The following PLEKHM3 variants were observed in gnomAD, a reference collection of about 807,000 sequenced individuals.
PLEKHM3 encodes the protein pleckstrin homology domain-containing family M member 3.
A neutral mutation model predicts 81.8 loss-of-function variants in PLEKHM3; 45 were observed. That is an observed-to-expected ratio of 0.55 (90% CI 0.43 to 0.71). The LOEUF is 0.71. PLEKHM3 is among the 30% of genes least tolerant of loss of function. The probability of loss-of-function intolerance (pLI) is 0.00; values close to 1 mark genes in which losing one functional copy is unlikely to be tolerated. For missense variants in PLEKHM3, 788 were observed against 924.3 expected (o/e 0.85, Z 1.91); for synonymous variants, 352 against 356.4 (o/e 0.99, Z 0.14).
intron 3 of PLEKHM3, among the ~76,000 whole-genome samples, chr2:207,973,472 C>A (rs906793659): frequency 3.3e-5 from 5 of 152,196 alleles, no homozygotes; most frequent in Non-Finnish European, 7.3e-5. Flanking sequence ...CAGGCGGTGG[C>A]TTACGCCTGT....
intron 3 of PLEKHM3, among the ~76,000 whole-genome samples, chr2:207,949,584 A>C (rs1168566417): frequency 6.6e-6 from 1 of 152,204 alleles, no homozygotes; most frequent in Non-Finnish European, 1.5e-5. Flanking sequence ...TGAACTGTGG[A>C]ACAGAGTTCA....
chr2:207,951,199 T>C (rs1300158151), intron 3 of PLEKHM3, among the ~76,000 whole-genome samples: 1 of 152,182 alleles, frequency 6.6e-6, no homozygotes, highest in African/African-American at 2.4e-5. Flanking sequence ...TTTTTCTTAA[T>C]AATCACTGTT....
intron 6 of PLEKHM3, among the ~76,000 whole-genome samples, chr2:207,886,797 T>C (rs980750873): frequency 6.6e-6 from 1 of 152,246 alleles, no homozygotes; most frequent in African/African-American, 2.4e-5. Flanking sequence ...AAAATAATTA[T>C]CTGTACCAAC....
intron 5 of PLEKHM3, among the ~76,000 whole-genome samples, chr2:207,927,785 G>A (rs112727899): frequency 0.014 from 2,049 of 148,628 alleles, 49 homozygotes; most frequent in African/African-American, 0.048. Context: ...AGCCAAGATC[G>A]TGCCACTGCA....
At position 207,931,030 on chromosome 2, in the gene PLEKHM3, G is replaced by C. The variant is rs763994089; in HGVS notation, c.1782C>G (p.His594Gln). The C allele has an allele frequency of 4.3e-6, 7 of 1,614,120 alleles. No homozygotes were observed. The Admixed American group carries it at 5.0e-5, about 12-fold the overall frequency. The change falls in exon 5 of 8, where the codon CAC becomes CAG. Residue 594 changes from histidine (H) to glutamine (Q), a missense_variant. Physicochemically the swap from His to Gln is conservative, Grantham distance 24. Transcript: ENST00000427836. ...GCAGCACGGCGGCCAGCGGCTCTGCGTGGTGGTACAGCATGGCGTTCTCCT... is the reference window on the plus strand; with the variant it reads ...GCAGCACGGCGGCCAGCGGCTCTGCCTGGTGGTACAGCATGGCGTTCTCCT... ...IQQENAMLYH[H>Q]AEPLAAVLRL...
intron 4 of PLEKHM3, among the ~76,000 whole-genome samples, chr2:207,936,844 TTAGTGTG>T (rs1169836613): frequency 1.5e-5 from 2 of 132,954 alleles, no homozygotes; most frequent in Non-Finnish European, 3.2e-5. Flanking sequence ...GTTAGATAAA[TTAGTGTG>T]TGTGTGTGTG....
chr2:207,874,784 G>C (rs572429751), intron 6 of PLEKHM3, among the ~76,000 whole-genome samples: 2 of 151,698 alleles, frequency 1.3e-5, no homozygotes, highest in East Asian at 3.9e-4. Context: ...TAGAGATGGG[G>C]TTTCACCATA....
At chr2:207,907,278 G>A (rs562022313) in intron 6 of PLEKHM3, among the ~76,000 whole-genome samples, 252 of 152,278 alleles carry the variant, frequency 1.7e-3, no homozygotes, top group Admixed American at 2.6e-3. Context: ...AAGGTGGGCG[G>A]ATCACTTGAG....
At chr2:207,956,660 C>G (rs570005013) in intron 3 of PLEKHM3, among the ~76,000 whole-genome samples, 46 of 151,414 alleles carry the variant, frequency 3.0e-4, no homozygotes, top group Non-Finnish European at 5.0e-4. Context: ...ATCCTCCCAC[C>G]TCAGCCTCCT....
At chr2:207,910,616 G>T (rs76883059) in intron 5 of PLEKHM3, among the ~76,000 whole-genome samples, 1 of 152,260 alleles carries the variant, frequency 6.6e-6, no homozygotes, top group African/African-American at 2.4e-5. Flanking sequence ...GCTGGGGGTA[G>T]GGAAAGGAGG....
At chr2:207,841,723 A>G (rs2092355336) in intron 7 of PLEKHM3, among the ~76,000 whole-genome samples, 1 of 151,744 alleles carries the variant, frequency 6.6e-6, no homozygotes, top group African/African-American at 2.4e-5. Flanking sequence ...CCATGTATTA[A>G]ATTCCCATAT....
intron 2 of PLEKHM3, among the ~76,000 whole-genome samples, chr2:207,989,558 CT>C (rs1470457118): frequency 6.6e-6 from 1 of 152,190 alleles, no homozygotes. Context: ...TTTATTGCCA[CT>C]ATCACACTAA....
intron 6 of PLEKHM3, among the ~76,000 whole-genome samples, chr2:207,879,752 C>T (rs753214338): frequency 4.6e-5 from 7 of 152,042 alleles, no homozygotes; most frequent in Admixed American, 1.3e-4. Context: ...AAGAGGACAA[C>T]GGAGGGTGGA....
At chr2:208,008,062 T>C (rs1692556165) in intron 1 of PLEKHM3, among the ~76,000 whole-genome samples, 1 of 150,614 alleles carries the variant, frequency 6.6e-6, no homozygotes, top group Non-Finnish European at 1.5e-5. Flanking sequence ...CAAAAATAAA[T>C]AAATAAATAA....
At chr2:207,844,371 C>T (rs1188669837) in intron 7 of PLEKHM3, among the ~76,000 whole-genome samples, 2 of 148,312 alleles carry the variant, frequency 1.3e-5, no homozygotes, top group African/African-American at 5.0e-5. Flanking sequence ...GGCGCGATCT[C>T]GGCTCACTGC....
chr2:207,863,638 C>CTCAA (rs761636324), intron 6 of PLEKHM3, among the ~76,000 whole-genome samples: 10 of 152,300 alleles, frequency 6.6e-5, no homozygotes, highest in Admixed American at 2.6e-4. Context: ...TGAGCCCTTT[C>CTCAA]TCAGTTAATG....
chr2:207,974,872 A>C (rs7562306), intron 3 of PLEKHM3, among the ~76,000 whole-genome samples: 101,661 of 150,258 alleles, frequency 0.68, 34,968 homozygotes, highest in Non-Finnish European at 0.73. Flanking sequence ...CACTCTGTCA[A>C]CCAGGCTGGA....
chr2:207,915,029 G>A (rs1688939012), intron 5 of PLEKHM3, among the ~76,000 whole-genome samples: 1 of 152,198 alleles, frequency 6.6e-6, no homozygotes, highest in Non-Finnish European at 1.5e-5. Flanking sequence ...ATCACTAGCA[G>A]GTAGCACTAC....
chr2:207,960,982 C>G (rs1449185521), intron 3 of PLEKHM3, among the ~76,000 whole-genome samples: 2 of 152,154 alleles, frequency 1.3e-5, no homozygotes, highest in African/African-American at 4.8e-5. Context: ...CTGATATTTT[C>G]TAACATTTGA....
Sources: allele counts gnomAD v4.1 joint callset (sites outside exome capture counted in the v4.1 genomes callset), GRCh38; gene constraint gnomAD v4.1.1; transcripts MANE v1.5; gene names NCBI Gene and HGNC (gene_info 2026-07-23, HGNC 2026-07-21).